Variants in ZFPM2 observed in about 807,000 individuals in gnomAD.
The protein encoded by ZFPM2 is zinc finger protein ZFPM2.
In ZFPM2, 20 loss-of-function variants were observed where a neutral mutation model predicts 98.6. The ratio of observed to expected loss-of-function variants is 0.20; its 90% CI spans 0.14 to 0.29. The LOEUF is 0.29. Ranked by LOEUF, ZFPM2 falls within the 10% of genes least tolerant of loss-of-function variation. The pLI is 1.00. For synonymous variants in ZFPM2, 518 were observed against 502.7 expected, an observed-to-expected ratio of 1.03 and a Z score of -0.41; for missense variants, 1,310 against 1,388.6, an observed-to-expected ratio of 0.94 and a Z score of 0.90.
chr8:105,531,363 C>T (rs558411642), intron 3 of ZFPM2, among the ~76,000 whole-genome samples: 25 of 152,234 alleles, frequency 1.6e-4, no homozygotes, highest in Non-Finnish European at 2.9e-4. Context: ...CCTAGATTCT[C>T]GTCATTTACA....
At chr8:105,449,490 T>C (rs1441211856) in intron 3 of ZFPM2, among the ~76,000 whole-genome samples, 1 of 152,052 alleles carries the variant, frequency 6.6e-6, no homozygotes, top group Non-Finnish European at 1.5e-5. Context: ...AATCAAACAC[T>C]ATATTGATGA....
At chr8:105,728,404 TC>T (rs1213759276) in intron 5 of ZFPM2, among the ~76,000 whole-genome samples, 1 of 151,788 alleles carries the variant, frequency 6.6e-6, no homozygotes, top group Non-Finnish European at 1.5e-5. Context: ...TTCCATGATT[TC>T]TTTATTTCCC....
intron 3 of ZFPM2, among the ~76,000 whole-genome samples, chr8:105,548,026 A>G (rs982638523): frequency 1.3e-5 from 2 of 151,970 alleles, no homozygotes; most frequent in African/African-American, 2.4e-5. Context: ...CTTGCATCAC[A>G]TAGGTAATTT....
At chr8:105,710,417 A>G (rs1811356630) in intron 5 of ZFPM2, among the ~76,000 whole-genome samples, 1 of 152,102 alleles carries the variant, frequency 6.6e-6, no homozygotes, top group Non-Finnish European at 1.5e-5. Flanking sequence ...CCTAGATTTC[A>G]TTGGCCTAAG....
chr8:105,571,518 T>C (rs115888376), intron 4 of ZFPM2, among the ~76,000 whole-genome samples: 432 of 152,374 alleles, frequency 2.8e-3, no homozygotes, highest in African/African-American at 9.9e-3. Flanking sequence ...TATGTGCTGA[T>C]AGGTCTGGCA....
intron 5 of ZFPM2, among the ~76,000 whole-genome samples, chr8:105,691,825 G>A (rs534639657): frequency 6.6e-6 from 1 of 152,218 alleles, no homozygotes; most frequent in African/African-American, 2.4e-5. Flanking sequence ...AGTGATTGAC[G>A]GAAAAACTAT....
At chr8:105,511,641 G>A (rs1482237753) in intron 3 of ZFPM2, among the ~76,000 whole-genome samples, 1 of 152,148 alleles carries the variant, frequency 6.6e-6, no homozygotes, top group Non-Finnish European at 1.5e-5. Flanking sequence ...TGGATGAATT[G>A]TTTTAGTTGG....
intron 5 of ZFPM2, among the ~76,000 whole-genome samples, chr8:105,680,622 G>T (rs573211317): frequency 8.7e-4 from 132 of 152,216 alleles, no homozygotes; most frequent in African/African-American, 3.0e-3. Context: ...AAAGAAAAAA[G>T]AGAAATTATG....
intron 5 of ZFPM2, among the ~76,000 whole-genome samples, chr8:105,652,294 T>TTTTTTTTTTTTTTTTTTTTTTTTTTGA: frequency 7.4e-6 from 1 of 134,268 alleles, no homozygotes. Flanking sequence ...AGCCCATTTT[T>TTTTTTTTTTTTTTTTTTTTTTTTTTGA]GAAGCCTATT....
At chr8:105,782,410 A>G (rs1165931111) in intron 5 of ZFPM2, 4 of 152,246 alleles carry the variant, frequency 2.6e-5, no homozygotes, top group African/African-American at 9.6e-5. Flanking sequence ...TTCATAGTTC[A>G]TCTTTGCATT....
intron 4 of ZFPM2, among the ~76,000 whole-genome samples, chr8:105,603,512 ATTTG>A (rs2130787170): frequency 6.6e-6 from 1 of 152,216 alleles, no homozygotes; most frequent in South Asian, 2.1e-4. Flanking sequence ...TAAATGTTTT[ATTTG>A]TTTAATAGAT....
chr8:105,577,607 CTG>C (rs1045849801), intron 4 of ZFPM2, among the ~76,000 whole-genome samples: 1 of 151,524 alleles, frequency 6.6e-6, no homozygotes, highest in Non-Finnish European at 1.5e-5. Flanking sequence ...CATGGAAAAA[CTG>C]AATTGCAAAA....
At chr8:105,654,087 CATTGTT>C (rs1176481543) in intron 5 of ZFPM2, among the ~76,000 whole-genome samples, 1 of 151,634 alleles carries the variant, frequency 6.6e-6, no homozygotes, top group African/African-American at 2.4e-5. Flanking sequence ...CAAATCAATT[CATTGTT>C]ATTTTGCAAA....
intron 6 of ZFPM2, among the ~76,000 whole-genome samples, chr8:105,792,671 T>C (rs1209950231): frequency 6.6e-6 from 1 of 152,224 alleles, no homozygotes; most frequent in African/African-American, 2.4e-5. Flanking sequence ...ATCTGTCTAA[T>C]GTTGACAGTG....
intron 4 of ZFPM2, among the ~76,000 whole-genome samples, chr8:105,597,932 G>C (rs1816004869): frequency 1.3e-5 from 2 of 151,874 alleles, no homozygotes; most frequent in Admixed American, 6.6e-5. Flanking sequence ...CATCAGATGA[G>C]AACTCAAAAG....
intron 1 of ZFPM2, among the ~76,000 whole-genome samples, chr8:105,400,875 G>T (rs547773972): frequency 6.6e-6 from 1 of 151,788 alleles, no homozygotes; most frequent in African/African-American, 2.4e-5. Flanking sequence ...GGGCTAAGTC[G>T]TACCCATATT....
intron 2 of ZFPM2, among the ~76,000 whole-genome samples, chr8:105,438,963 C>A (rs188253844): frequency 6.6e-6 from 1 of 152,244 alleles, no homozygotes; most frequent in African/African-American, 2.4e-5. Context: ...GGCTACTGCT[C>A]TCATGCATAT....
chr8:105,355,055 T>G (rs1241974785), intron 1 of ZFPM2, among the ~76,000 whole-genome samples: 1 of 152,206 alleles, frequency 6.6e-6, no homozygotes, highest in African/African-American at 2.4e-5. Context: ...ATTGCAATTT[T>G]CATAATATAA....
chr8:105,365,515 G>A (rs1306537960), intron 1 of ZFPM2, among the ~76,000 whole-genome samples: 4 of 152,112 alleles, frequency 2.6e-5, no homozygotes, highest in African/African-American at 9.7e-5. Flanking sequence ...TTGTAAAAGT[G>A]ACCAACGTAA....
Sources: gnomAD v4.1 joint callset for allele counts (sites outside exome capture counted in the v4.1 genomes callset) on GRCh38, gnomAD v4.1.1 for gene constraint, MANE v1.5 for transcripts, NCBI Gene and HGNC (gene_info 2026-07-23, HGNC 2026-07-21) for gene names.